Variants in UHRF2 observed in about 807,000 individuals in gnomAD.
UHRF2 encodes the protein ubiquitin like with PHD and ring finger domains 2, also known as E3 ubiquitin-protein ligase UHRF2.
UHRF2 carries 23 observed loss-of-function variants against 96.8 expected under a neutral mutation model. The ratio of observed to expected loss-of-function variants is 0.24; its 90% CI spans 0.17 to 0.34. The LOEUF is 0.34. Ranked by LOEUF, UHRF2 falls within the 10% of genes least tolerant of loss-of-function variation. UHRF2 has a pLI of 1.00. For synonymous variants in UHRF2, 385 were observed against 332.6 expected, an observed-to-expected ratio of 1.16 and a Z score of -1.72; for missense variants, 685 against 981.5, an observed-to-expected ratio of 0.70 and a Z score of 4.04.
intron 5 of UHRF2, among the ~76,000 whole-genome samples, chr9:6,477,119 G>A (rs896501801): frequency 6.6e-6 from 1 of 152,054 alleles, no homozygotes; most frequent in Admixed American, 6.5e-5. Context: ...TGTAATCCCA[G>A]CTATTCCGGA....
chr9:6,492,873 A>G (rs1031673747), intron 9 of UHRF2: 2 of 78,938 alleles, frequency 2.5e-5, no homozygotes, highest in African/African-American at 9.8e-5. Context: ...TAGATACTTT[A>G]TACTACTTTT....
intron 2 of UHRF2, among the ~76,000 whole-genome samples, chr9:6,427,207 A>T (rs972129458): frequency 6.6e-6 from 1 of 152,134 alleles, no homozygotes; most frequent in Non-Finnish European, 1.5e-5. Flanking sequence ...CACTTGGTAA[A>T]TATTTTTTTT....
intron 15 of UHRF2, 35 bp from the exon 16 acceptor site, chr9:6,505,998 T>C (rs753293087): frequency 9.3e-6 from 15 of 1,612,252 alleles, no homozygotes; most frequent in Admixed American, 8.4e-5. Flanking sequence ...TGCTTTATGC[T>C]CAGATTAAAT....
intron 1 of UHRF2, among the ~76,000 whole-genome samples, chr9:6,417,783 C>T (rs1047059172): frequency 3.9e-5 from 6 of 152,088 alleles, no homozygotes; most frequent in African/African-American, 1.2e-4. Flanking sequence ...GGTGCTCTTA[C>T]GACATTTTTT....
chr9:6,457,633 G>C (rs1822261211), intron 3 of UHRF2, among the ~76,000 whole-genome samples: 1 of 152,128 alleles, frequency 6.6e-6, no homozygotes, highest in Non-Finnish European at 1.5e-5. Context: ...GTATGATATT[G>C]GCTATGGGTT....
intron 9 of UHRF2, among the ~76,000 whole-genome samples, chr9:6,490,574 G>A (rs1387652897): frequency 6.6e-6 from 1 of 152,220 alleles, no homozygotes; most frequent in Admixed American, 6.5e-5. Context: ...GTTGCGGTGA[G>A]CCAAGATCAC....
intron 1 of UHRF2, among the ~76,000 whole-genome samples, chr9:6,414,647 C>T (rs1226229200): frequency 6.6e-6 from 1 of 152,194 alleles, no homozygotes; most frequent in Non-Finnish European, 1.5e-5. Flanking sequence ...AGTTTGGCTC[C>T]AATCCTGTGG....
At chr9:6,497,489 A>G in intron 11 of UHRF2, 129 bp downstream of exon 11, 1 of 1,014,556 alleles carries the variant, frequency 9.9e-7, no homozygotes, top group Middle Eastern at 2.2e-4. Flanking sequence ...TTTTCTGGAA[A>G]TTGAACAGAT....
Position 6,500,807 on chromosome 9 carries a change from A to G in UHRF2, c.2163+98A>G, listed in dbSNP as rs890631689. On this transcript the variant is annotated intron_variant, in intron 14 of 15. Transcript: ENST00000276893. ...TTTTTCACACATCAGTCAAAACTTC[A>G]TCCTTCTACCCGGTTTTCTAATCCA... 2.4e-5 allele frequency: 28 copies of G among 1,187,248 alleles called. No homozygotes were observed. In the East Asian group the frequency reaches 3.1e-4, roughly 13 times the overall value. 73.5% of individuals were successfully genotyped at this position (1,187,248 alleles called of 1,614,324 possible).
rs369190704 is a variant in UHRF2 at position 6,493,809 on chromosome 9, A to G, written c.1498-17A>G. ...CTTGGGTTTAGCTTTCTTAATAAAGAAAATCTTCTCTGACAGGACCGAGGT... is the reference window on the plus strand; with the variant it reads ...CTTGGGTTTAGCTTTCTTAATAAAGGAAATCTTCTCTGACAGGACCGAGGT... On this transcript the variant is annotated splice_polypyrimidine_tract_variant and intron_variant, in intron 9 of 15. Coordinates refer to ENST00000276893, the MANE Select transcript of UHRF2 (RefSeq NM_152896.3). 11 of 1,600,824 alleles carry G rather than the reference A, an allele frequency of 6.9e-6. No individual in the cohort carries two copies. Among genetic ancestry groups the G allele is most frequent in the Non-Finnish European group, 9.4e-6 (11 of 1,174,112 alleles).
intron 1 of UHRF2, among the ~76,000 whole-genome samples, chr9:6,416,108 C>G (rs1159001311): frequency 6.6e-6 from 1 of 151,894 alleles, no homozygotes; most frequent in Non-Finnish European, 1.5e-5. Flanking sequence ...CTTGCCCTGT[C>G]GCCAGGCTGG....
intron 1 of UHRF2, 108 bp from the exon 2 acceptor site, chr9:6,420,804 A>C: frequency 1.2e-6 from 1 of 833,098 alleles, no homozygotes; most frequent in Non-Finnish European, 2.0e-6. Context: ...TAAAATCTCT[A>C]AACTGTAGTG....
Position 6,460,751 on chromosome 9 carries a change from T to A in UHRF2, c.823T>A (p.Ser275Thr), listed in dbSNP as rs1236762611. 6.2e-7 allele frequency: 1 copy of A among 1,613,486 alleles called. No individual in the cohort carries two copies. Among genetic ancestry groups the A allele is most frequent in the African/African-American group, 1.3e-5 (1 of 74,916 alleles). ...AGAAATTACCACATTGAAGACAATC[T>A]CAAGGACCAAAAAAGAACTTCGTGT... is the stretch of plus-strand genomic sequence containing the variant. ...DAEITTLKTI[S>T]RTKKELRVKI... is the part of the protein sequence containing the mutation. Residue 275 changes from serine to threonine, a missense_variant, in exon 4 of 16, where the codon TCA (serine) becomes ACA (threonine). Physicochemically the swap from Ser to Thr is moderately conservative, Grantham distance 58. Transcript: ENST00000276893.
intron 2 of UHRF2, among the ~76,000 whole-genome samples, chr9:6,424,615 C>T (rs559759858): frequency 6.6e-6 from 1 of 151,990 alleles, no homozygotes; most frequent in African/African-American, 2.4e-5. Flanking sequence ...AGTTTTCCCT[C>T]TTAAGATCTT....
chr9:6,432,809 C>G (rs1482649440), intron 2 of UHRF2, among the ~76,000 whole-genome samples: 3 of 150,982 alleles, frequency 2.0e-5, no homozygotes, highest in African/African-American at 4.9e-5. Flanking sequence ...AGGAATTTCT[C>G]TTGGTTGTTG....
chr9:6,444,235 C>G (rs1587801312), intron 3 of UHRF2, among the ~76,000 whole-genome samples: 1 of 152,172 alleles, frequency 6.6e-6, no homozygotes, highest in East Asian at 1.9e-4. Context: ...CCTGTCTGCT[C>G]TATTGCTTCT....
chr9:6,424,124 GAACAA>G (rs34882868), intron 2 of UHRF2, among the ~76,000 whole-genome samples: 100,964 of 151,246 alleles, frequency 0.67, 36,104 homozygotes, highest in South Asian at 0.82. Flanking sequence ...TTAGGCAGGA[GAACAA>G]AATAAAGTGT....
At chr9:6,494,739 A>G (rs1388152263) in intron 10 of UHRF2, 1 of 152,208 alleles carries the variant, frequency 6.6e-6, no homozygotes, top group Non-Finnish European at 1.5e-5. Flanking sequence ...CGATTGAGTA[A>G]AAGTGAGTGT....
In UHRF2 at chr9:6,420,989, T is replaced by A. The variant is rs1819899186; in HGVS notation, c.231T>A (p.Pro77=). 1 of 1,613,582 alleles carries A rather than the reference T, an allele frequency of 6.2e-7. No individual in the cohort carries two copies. Among genetic ancestry groups the A allele is most frequent in the African/African-American group, 1.3e-5 (1 of 74,712 alleles). The change falls in exon 2 of 16, where the codon CCT becomes CCA. Residue 77 remains proline (P), a synonymous_variant. Coordinates refer to ENST00000276893, the MANE Select transcript of UHRF2 (RefSeq NM_152896.3). ...DIIQLLVRPD[P]DHLPGTSTQI... Reference sequence around the variant, plus strand: ...TTCAGCTGCTAGTTCGCCCAGACCCTGATCATCTTCCTGGCACATCTACAC... The same window carrying A: ...TTCAGCTGCTAGTTCGCCCAGACCCAGATCATCTTCCTGGCACATCTACAC...
Sources: gnomAD v4.1 joint callset for allele counts (sites outside exome capture counted in the v4.1 genomes callset) on GRCh38, gnomAD v4.1.1 for gene constraint, MANE v1.5 for transcripts, NCBI Gene and HGNC (gene_info 2026-07-23, HGNC 2026-07-21) for gene names.